Variants in EYS observed in about 807,000 individuals in gnomAD.
EYS encodes protein eyes shut homolog.
A neutral mutation model predicts 282.1 loss-of-function variants in EYS; 250 were observed. That is an observed-to-expected ratio of 0.89 (90% confidence interval 0.80 to 0.98). The LOEUF is 0.98. Among genes scored for constraint, EYS ranks in the 50% least tolerant of loss-of-function variants. EYS has a pLI of 0.00. For synonymous variants in EYS, 1,355 were observed against 1,282.9 expected, an observed-to-expected ratio of 1.06 and a Z score of -1.20; for missense variants, 4,016 against 3,709.0, an observed-to-expected ratio of 1.08 and a Z score of -2.15.
At chr6:64,723,786 G>A (rs1364950103) in intron 22 of EYS, among the ~76,000 whole-genome samples, 2 of 152,138 alleles carry the variant, frequency 1.3e-5, no homozygotes, top group African/African-American at 4.8e-5. Flanking sequence ...GTAGGTGATC[G>A]TTTGTGGATC....
At chr6:65,352,748 T>C (rs1272620969) in intron 9 of EYS, among the ~76,000 whole-genome samples, 1 of 151,986 alleles carries the variant, frequency 6.6e-6, no homozygotes, top group Non-Finnish European at 1.5e-5. Flanking sequence ...TATAAACTTA[T>C]GGAATGTGTC....
intron 12 of EYS, among the ~76,000 whole-genome samples, chr6:65,190,508 A>AT (rs1562013374): frequency 6.6e-6 from 1 of 151,528 alleles, no homozygotes; most frequent in Admixed American, 6.6e-5. Flanking sequence ...TGTCTGACGA[A>AT]TAAGTTGTCT....
chr6:65,329,972 T>C, intron 11 of EYS: 1 of 980,110 alleles, frequency 1.0e-6, no homozygotes, highest in Non-Finnish European at 1.2e-6. Context: ...ACACAGAAAA[T>C]GTGAATCTCC....
intron 12 of EYS, among the ~76,000 whole-genome samples, chr6:65,219,557 T>C (rs930417053): frequency 1.3e-5 from 2 of 151,756 alleles, no homozygotes; most frequent in African/African-American, 2.4e-5. Context: ...TACCATGAGA[T>C]TTACAATATT....
intron 29 of EYS, among the ~76,000 whole-genome samples, chr6:64,374,231 G>T (rs1772491024): frequency 6.9e-6 from 1 of 144,372 alleles, no homozygotes; most frequent in African/African-American, 2.6e-5. Context: ...GTGGTGTGGG[G>T]GTTAGGGCCT....
intron 31 of EYS, among the ~76,000 whole-genome samples, chr6:64,134,932 G>T (rs1774109875): frequency 6.6e-6 from 1 of 152,066 alleles, no homozygotes; most frequent in Non-Finnish European, 1.5e-5. Flanking sequence ...GATGCATTTT[G>T]TGTTCTCAAA....
At chr6:65,688,722 C>A (rs572346748) in intron 1 of EYS, among the ~76,000 whole-genome samples, 65 of 152,202 alleles carry the variant, frequency 4.3e-4, no homozygotes, top group Non-Finnish European at 7.2e-4. Context: ...AGGATATGAA[C>A]AGACACTTCT....
At chr6:64,016,639 C>T (rs1028715458) in intron 33 of EYS, among the ~76,000 whole-genome samples, 14 of 152,102 alleles carry the variant, frequency 9.2e-5, no homozygotes, top group Middle Eastern at 6.8e-3. Flanking sequence ...CTATGCCTGG[C>T]TAATTTTTGT....
intron 36 of EYS, among the ~76,000 whole-genome samples, chr6:63,816,799 C>T (rs945918525): frequency 3.9e-5 from 6 of 152,186 alleles, no homozygotes; most frequent in African/African-American, 9.7e-5. Flanking sequence ...CTGAAACAAA[C>T]GTAATACCCA....
chr6:64,134,610 G>T (rs1774098687), intron 31 of EYS, among the ~76,000 whole-genome samples: 1 of 152,048 alleles, frequency 6.6e-6, no homozygotes, highest in Non-Finnish European at 1.5e-5. Flanking sequence ...TGGGAATGTA[G>T]ATATGAAGAA....
At chr6:64,678,531 T>C (rs919794968) in intron 22 of EYS, among the ~76,000 whole-genome samples, 13 of 152,102 alleles carry the variant, frequency 8.5e-5, no homozygotes, top group African/African-American at 2.9e-4. Flanking sequence ...TGAACCAAGA[T>C]AGGGTGACTG....
chr6:63,905,975 TAC>T (rs1773770632), intron 35 of EYS, among the ~76,000 whole-genome samples: 4 of 152,236 alleles, frequency 2.6e-5, no homozygotes, highest in Admixed American at 2.0e-4. Context: ...GAAAATAACC[TAC>T]GTGTTGCTCA....
At chr6:64,293,143 T>A (rs1344992563) in intron 30 of EYS, among the ~76,000 whole-genome samples, 5 of 152,082 alleles carry the variant, frequency 3.3e-5, no homozygotes, top group Non-Finnish European at 7.4e-5. Flanking sequence ...GCACATGGAA[T>A]AAAGGCTCGA....
intron 30 of EYS, among the ~76,000 whole-genome samples, chr6:64,278,244 C>T (rs1008389293): frequency 2.6e-5 from 4 of 152,056 alleles, no homozygotes; most frequent in African/African-American, 7.2e-5. Flanking sequence ...TATGTAACTG[C>T]TAAATGTTCC....
chr6:64,382,164 C>G (rs1582677262), intron 29 of EYS, among the ~76,000 whole-genome samples: 2 of 152,082 alleles, frequency 1.3e-5, no homozygotes, highest in African/African-American at 2.4e-5. Context: ...TGCCCCTCTG[C>G]CTGTTTTTCT....
chr6:64,175,860 C>G (rs916476288), intron 31 of EYS, among the ~76,000 whole-genome samples: 2 of 151,638 alleles, frequency 1.3e-5, no homozygotes, highest in South Asian at 2.1e-4. Flanking sequence ...ATATCAGGAA[C>G]AAAACAGACA....
At position 65,445,180 on chromosome 6, in the gene EYS, A is replaced by T. The variant is rs141264516; in HGVS notation, c.863-39813T>A. Among the ~76,000 whole-genome samples the T allele has an allele frequency of 5.7e-3, 865 of 151,916 alleles. 13 individuals carry two copies. Among genetic ancestry groups the T allele is most frequent in the African/African-American group, 0.019 (772 of 41,494 alleles). Reference sequence around the variant, plus strand: ...TTATGGTTATTTAAGTGTTCCTAGTATGACAAGCCAAAGGTCTAGGTTCAT... The same window carrying T: ...TTATGGTTATTTAAGTGTTCCTAGTTTGACAAGCCAAAGGTCTAGGTTCAT... On this transcript the variant is annotated intron_variant, in intron 5 of 42. Transcript: ENST00000503581.
At chr6:65,619,446 A>C (rs1230417478) in intron 2 of EYS, among the ~76,000 whole-genome samples, 2 of 152,060 alleles carry the variant, frequency 1.3e-5, no homozygotes, top group African/African-American at 4.8e-5. Context: ...GCTTTAGGAG[A>C]TTTTGGGCTG....
Position 64,356,331 on chromosome 6 carries a change from A to G in EYS, c.6078+32359T>C, listed in dbSNP as rs557623179. Among the ~76,000 whole-genome samples, 178 of 151,714 alleles carry G rather than the reference A, an allele frequency of 1.2e-3. 2 individuals are homozygous for G. The South Asian group carries it at 0.036, about 31-fold the overall frequency. ...AACGTGTTCAATACACAGTATTGGGAAAACTGGCTTGCCATTTGAATGCTA... is the reference window on the plus strand; with the variant it reads ...AACGTGTTCAATACACAGTATTGGGGAAACTGGCTTGCCATTTGAATGCTA... On this transcript the variant is annotated intron_variant, in intron 29 of 42. Coordinates refer to ENST00000503581, the MANE Select transcript of EYS (RefSeq NM_001142800.2).
Sources: gnomAD v4.1 joint callset for allele counts (sites outside exome capture counted in the v4.1 genomes callset) on GRCh38, gnomAD v4.1.1 for gene constraint, MANE v1.5 for transcripts, NCBI Gene and HGNC (gene_info 2026-07-23, HGNC 2026-07-21) for gene names.